NEDD4L: variants seen among roughly 807,000 people sequenced by gnomAD.
NEDD4L encodes NEDD4 like E3 ubiquitin protein ligase, also known as E3 ubiquitin-protein ligase NEDD4-like.
Under a neutral mutation model 148.9 loss-of-function variants are expected in NEDD4L, and 54 were observed. The ratio of observed to expected loss-of-function variants is 0.36; its 90% confidence interval spans 0.29 to 0.45. NEDD4L has a LOEUF of 0.45. NEDD4L is among the 20% of genes least tolerant of loss of function. NEDD4L has a pLI of 1.00. For missense variants in NEDD4L, 856 were observed against 1,233.8 expected (o/e 0.69, Z 4.59); for synonymous variants, 433 against 440.7 (o/e 0.98, Z 0.22).
At chr18:58,044,972 G>A (rs537138046) in intron 1 of NEDD4L, 3 of 435,982 alleles carry the variant, frequency 6.9e-6, no homozygotes, top group African/African-American at 4.1e-5. Context: ...CCTCGCTTTC[G>A]GGAGGAGAGG....
chr18:58,354,313 T>C (rs2044303142), intron 18 of NEDD4L, among the ~76,000 whole-genome samples: 1 of 152,196 alleles, frequency 6.6e-6, no homozygotes, highest in African/African-American at 2.4e-5. Context: ...TTTTAGTCTT[T>C]CCTGTCAACA....
At chr18:58,143,793 A>G (rs2033811467) in intron 1 of NEDD4L, among the ~76,000 whole-genome samples, 1 of 152,164 alleles carries the variant, frequency 6.6e-6, no homozygotes, top group Non-Finnish European at 1.5e-5. Flanking sequence ...CTGTCGAAGG[A>G]AGGGAGAAGA....
chr18:58,378,653 G>A (rs2047904279), intron 24 of NEDD4L, among the ~76,000 whole-genome samples: 1 of 152,274 alleles, frequency 6.6e-6, no homozygotes, highest in East Asian at 1.9e-4. Flanking sequence ...GAGTGATGGG[G>A]GTGCAGGGTG....
At chr18:58,083,476 A>C (rs1240935240) in intron 1 of NEDD4L, among the ~76,000 whole-genome samples, 1 of 152,172 alleles carries the variant, frequency 6.6e-6, no homozygotes, top group Non-Finnish European at 1.5e-5. Flanking sequence ...TCACGAGGTC[A>C]GGAGATCGAG....
At chr18:58,221,754 A>G (rs2043801545) in intron 2 of NEDD4L, 10 of 983,026 alleles carry the variant, frequency 1.0e-5, no homozygotes, top group Admixed American at 6.1e-5. Context: ...GAGGAAAAGT[A>G]TAGGTAAGAA....
chr18:58,086,572 T>C (rs2083769881), intron 1 of NEDD4L, among the ~76,000 whole-genome samples: 1 of 152,228 alleles, frequency 6.6e-6, no homozygotes, highest in African/African-American at 2.4e-5. Context: ...TTAGCCTTTT[T>C]GTTGTTCTGA....
chr18:58,397,074 T>A lies in NEDD4L; in HGVS notation c.*805T>A, dbSNP rs2050541866. 6.6e-6 allele frequency: 1 copy of A among 152,652 alleles called. No homozygotes were observed. The highest frequency in any genetic ancestry group is 1.5e-5 in the Non-Finnish European group (1 of 68,036). The allele number at this position is 152,652 out of a possible 1,614,324, so 9.5% of individuals were successfully genotyped here. ...AAGTAATTACATGTGTTCTAACACA[T>A]TTGAGACAGGGTTGGACTCCCATTT... is the stretch of plus-strand genomic sequence containing the variant. On this transcript the variant is annotated 3_prime_UTR_variant, in exon 31 of 31. Transcript: ENST00000400345.
chr18:58,258,723 G>A (rs1168247293), intron 5 of NEDD4L, among the ~76,000 whole-genome samples: 1 of 152,130 alleles, frequency 6.6e-6, no homozygotes, highest in African/African-American at 2.4e-5. Flanking sequence ...AAATTAGTAC[G>A]TGGTTAGTAA....
At chr18:58,240,799 T>C (rs2046535807) in intron 2 of NEDD4L, among the ~76,000 whole-genome samples, 1 of 146,882 alleles carries the variant, frequency 6.8e-6, no homozygotes, top group Admixed American at 6.9e-5. Context: ...AGGAGGATGA[T>C]GGCGGCAGCT....
intron 12 of NEDD4L, among the ~76,000 whole-genome samples, chr18:58,334,188 C>G (rs1490293466): frequency 1.3e-5 from 2 of 152,096 alleles, no homozygotes; most frequent in Non-Finnish European, 2.9e-5. Flanking sequence ...TTCCTTTTAC[C>G]TTATTGAGTT....
rs2146699625 is a variant in NEDD4L, at chr18:58,383,296, T to G, written c.2403T>G (p.Asn801Lys). 2 of 1,539,626 alleles carry G rather than the reference T, an allele frequency of 1.3e-6. No individual in the cohort carries two copies. The highest frequency in any genetic ancestry group is 1.8e-6 in the Non-Finnish European group (2 of 1,135,034). The change falls in exon 25 of 31, where the codon AAT becomes AAG. Residue 801 changes from asparagine to lysine, a missense_variant. Asn to Lys is a moderately conservative substitution (Grantham distance 94). Transcript: ENST00000400345. ...KPNGSEIMVT[N>K]ENKREYIDLV... ...ATGGGTCAGAAATAATGGTCACAAA[T>G]GAAAACAAAAGGGAATATATCGAGT...
chr18:58,342,974 A>G lies in NEDD4L; in HGVS notation c.1446A>G (p.Pro482=), dbSNP rs773408353. ...DTLSNPQSPQ[P]SPYNSPKPQH... is the part of the protein sequence containing the mutation. Reference sequence around the variant, plus strand: ...TTTCCAACCCACAGTCCCCACAGCCATCACCTTACAACTCCCCCAAACCAC... The same window carrying G: ...TTTCCAACCCACAGTCCCCACAGCCGTCACCTTACAACTCCCCCAAACCAC... Residue 482 remains proline, a synonymous_variant, in exon 16 of 31, where the codon CCA becomes CCG. Transcript: ENST00000400345. 1.1e-5 allele frequency: 17 copies of G among 1,613,938 alleles called. No individual in the cohort carries two copies. Among genetic ancestry groups the G allele is most frequent in the Non-Finnish European group, 1.3e-5 (15 of 1,179,866 alleles).
intron 2 of NEDD4L, among the ~76,000 whole-genome samples, chr18:58,172,272 C>G (rs1438790160): frequency 6.6e-6 from 1 of 152,200 alleles, no homozygotes; most frequent in Non-Finnish European, 1.5e-5. Flanking sequence ...AAAACAGCAG[C>G]AGGAACCTCA....
At chr18:58,384,041 C>T (rs1180106915) in intron 25 of NEDD4L, among the ~76,000 whole-genome samples, 1 of 152,170 alleles carries the variant, frequency 6.6e-6, no homozygotes, top group African/African-American at 2.4e-5. Flanking sequence ...CACCTGGTTT[C>T]TGCTCTCTTG....
intron 1 of NEDD4L, among the ~76,000 whole-genome samples, chr18:58,104,903 CGTT>C (rs942649445): frequency 6.7e-6 from 1 of 149,510 alleles, no homozygotes; most frequent in Non-Finnish European, 1.5e-5. Context: ...CATTACAGCA[CGTT>C]GTTGCAGGGA....
intron 5 of NEDD4L, among the ~76,000 whole-genome samples, chr18:58,300,116 G>A (rs1290243052): frequency 6.6e-6 from 1 of 152,210 alleles, no homozygotes; most frequent in Non-Finnish European, 1.5e-5. Flanking sequence ...CCCTGGACGA[G>A]TTACTAGGCC....
intron 24 of NEDD4L, among the ~76,000 whole-genome samples, chr18:58,381,755 G>C (rs904608931): frequency 6.6e-6 from 1 of 152,158 alleles, no homozygotes; most frequent in African/African-American, 2.4e-5. Flanking sequence ...AGAACAAAAG[G>C]TATGGATGAG....
intron 16 of NEDD4L, among the ~76,000 whole-genome samples, chr18:58,346,046 A>G (rs2043018517): frequency 6.6e-6 from 1 of 151,754 alleles, no homozygotes; most frequent in Admixed American, 6.6e-5. Context: ...GGCATGAGAC[A>G]CCCTGCCAGG....
chr18:58,208,182 G>A (rs921323710), intron 2 of NEDD4L, among the ~76,000 whole-genome samples: 4 of 152,140 alleles, frequency 2.6e-5, no homozygotes, highest in Non-Finnish European at 5.9e-5. Flanking sequence ...GGATTCACTC[G>A]GGGGAAAGTA....
Sources: gnomAD v4.1 joint callset for allele counts (sites outside exome capture counted in the v4.1 genomes callset) on GRCh38, gnomAD v4.1.1 for gene constraint, MANE v1.5 for transcripts, NCBI Gene and HGNC (gene_info 2026-07-23, HGNC 2026-07-21) for gene names.